MERTK: variants seen among roughly 807,000 people sequenced by gnomAD.
The protein encoded by MERTK is MER proto-oncogene, tyrosine kinase.
Under a neutral mutation model 99.3 loss-of-function variants are expected in MERTK, and 69 were observed. The observed-to-expected ratio is 0.70, with a 90% CI of 0.57 to 0.85. The LOEUF (loss-of-function observed/expected upper bound fraction) is 0.85, where lower values mean the gene tolerates loss of function less well. MERTK is among the 40% of genes least tolerant of loss of function. The pLI is 0.00. For synonymous variants in MERTK, 426 were observed against 467.6 expected (o/e 0.91, Z 1.15); for missense variants, 1,125 against 1,249.4 (o/e 0.90, Z 1.50).
In MERTK at chr2:112,029,201, TTTC is replaced by T. The variant is rs1338779469; in HGVS notation, c.*340_*342del. On this transcript the variant is annotated 3_prime_UTR_variant, in exon 19 of 19. Transcript: ENST00000295408. ...AGTTGAAGTTGTTTTTTCAAGTTCT[TTTC>T]TTTTTCATGACTATTAAATGTAAAA... 5 of 1,009,874 alleles carry T rather than the reference TTTC, an allele frequency of 5.0e-6. No individual in the cohort carries two copies. The highest frequency in any genetic ancestry group is 5.9e-6 in the Non-Finnish European group (5 of 841,916). The allele number at this position is 1,009,874 out of a possible 1,614,324, so 62.6% of individuals were successfully genotyped here.
At chr2:112,009,626 T>G (rs977355977) in intron 14 of MERTK, among the ~76,000 whole-genome samples, 1 of 152,184 alleles carries the variant, frequency 6.6e-6, no homozygotes, top group Non-Finnish European at 1.5e-5. Flanking sequence ...TAGGCCTCCT[T>G]ATCTGAAACA....
At chr2:111,916,742 A>T (rs1349179623) in intron 1 of MERTK, among the ~76,000 whole-genome samples, 2 of 151,886 alleles carry the variant, frequency 1.3e-5, no homozygotes, top group Non-Finnish European at 2.9e-5. Context: ...GATCAGTTTT[A>T]TTTATTTATT....
At chr2:111,941,447 G>A (rs968252208) in intron 2 of MERTK, among the ~76,000 whole-genome samples, 1 of 152,266 alleles carries the variant, frequency 6.6e-6, no homozygotes, top group Non-Finnish European at 1.5e-5. Context: ...CAGTGCTGGG[G>A]CACTTTCTTG....
chr2:111,960,468 G>A lies in MERTK; in HGVS notation c.758-4723G>A, dbSNP rs374974698. On this transcript the variant is annotated intron_variant, in intron 4 of 18. Coordinates refer to ENST00000295408, the MANE Select transcript of MERTK (RefSeq NM_006343.3). ...TGCCCTCCAGCCTGAGTGACAGAGC[G>A]AGTCTCAGTCTCAAAAAAAAAAAAA... Among the ~76,000 whole-genome samples the A allele has an allele frequency of 4.5e-5, 6 of 134,246 alleles. No homozygotes were observed. The East Asian group carries it at 6.3e-4, about 14-fold the overall frequency. 88.1% of individuals were successfully genotyped at this position (134,246 alleles called of 152,430 possible).
chr2:111,940,232 C>T, intron 2 of MERTK: 1 of 253,828 alleles, frequency 3.9e-6, no homozygotes, highest in Non-Finnish European at 8.2e-6. Context: ...TCCAAACATG[C>T]CGGAAGTATA....
chr2:112,009,581 T>A (rs554513469), intron 14 of MERTK, among the ~76,000 whole-genome samples: 2 of 152,330 alleles, frequency 1.3e-5, no homozygotes, highest in African/African-American at 4.8e-5. Flanking sequence ...CGTTAAGGAA[T>A]CATAGCCACT....
At chr2:111,958,424 A>G (rs2104715147) in intron 4 of MERTK, among the ~76,000 whole-genome samples, 1 of 152,314 alleles carries the variant, frequency 6.6e-6, no homozygotes, top group South Asian at 2.1e-4. Flanking sequence ...TAAGCCATTA[A>G]AGTTTAGCTG....
In MERTK at chr2:111,947,908, A is replaced by G. The variant is rs886473323; in HGVS notation, c.757+341A>G. On this transcript the variant is annotated intron_variant, in intron 4 of 18. Coordinates refer to ENST00000295408, the MANE Select transcript of MERTK (RefSeq NM_006343.3). Reference sequence around the variant, plus strand: ...TGTCAGGTCTTGCGTTTATGGAACCACTGACGTGAAGACCTCAGTGGATTT... The same window carrying G: ...TGTCAGGTCTTGCGTTTATGGAACCGCTGACGTGAAGACCTCAGTGGATTT... Among the ~76,000 whole-genome samples, 5 of 152,242 alleles carry G rather than the reference A, an allele frequency of 3.3e-5. No homozygotes were observed. The Middle Eastern group carries it at 0.01, about 313-fold the overall frequency.
At chr2:111,922,655 G>A (rs1021723514) in intron 1 of MERTK, among the ~76,000 whole-genome samples, 1 of 152,188 alleles carries the variant, frequency 6.6e-6, no homozygotes, top group African/African-American at 2.4e-5. Flanking sequence ...TGGTGGACTC[G>A]ATGCCTATCA....
intron 1 of MERTK, among the ~76,000 whole-genome samples, chr2:111,919,355 A>AT (rs5833424): frequency 0.24 from 36,489 of 151,234 alleles, 4,734 homozygotes; most frequent in South Asian, 0.33. Flanking sequence ...ATAAGAGGAG[A>AT]TTTTTTTTTA....
At chr2:111,997,069 T>C (rs1676760809) in intron 9 of MERTK, 2 of 559,050 alleles carry the variant, frequency 3.6e-6, no homozygotes, top group Non-Finnish European at 6.5e-6. Flanking sequence ...AAAAATTGTA[T>C]ATACCTGTGG....
chr2:111,994,555 G>A (rs1676695695), intron 9 of MERTK, 151 bp downstream of exon 9: 1 of 1,084,456 alleles, frequency 9.2e-7, no homozygotes, highest in East Asian at 2.4e-5. Context: ...AAAGCAGGAG[G>A]AGTTTGAGAA....
At chr2:111,973,991 C>CA (rs34537631) in intron 6 of MERTK, among the ~76,000 whole-genome samples, 23,982 of 84,568 alleles carry the variant, frequency 0.28, 3,417 homozygotes, top group Middle Eastern at 0.4. Flanking sequence ...ATCTCCTCAT[C>CA]AAAAAAAAAA....
intron 8 of MERTK, among the ~76,000 whole-genome samples, chr2:111,989,671 T>A (rs531714536): frequency 2.0e-5 from 3 of 152,208 alleles, no homozygotes; most frequent in Non-Finnish European, 4.4e-5. Context: ...TGAATTCTTA[T>A]AAAGTAGTTG....
chr2:111,907,503 C>G (rs79559916), intron 1 of MERTK, among the ~76,000 whole-genome samples: 36,370 of 152,152 alleles, frequency 0.24, 4,718 homozygotes, highest in South Asian at 0.32. Flanking sequence ...GTAAGTACCC[C>G]CTCCAACTCT....
chr2:111,987,152 A>G (rs1231959094), intron 8 of MERTK, among the ~76,000 whole-genome samples: 4 of 152,182 alleles, frequency 2.6e-5, no homozygotes, highest in African/African-American at 9.7e-5. Context: ...TTTGAAAGAT[A>G]TTTCTCATTA....
rs552509122 is a variant in MERTK at position 111,898,794 on chromosome 2, G to C, written c.59G>C (p.Arg20Thr). The C allele has an allele frequency of 1.3e-5, 20 of 1,593,272 alleles. No homozygotes were observed. The South Asian group carries it at 2.3e-4, about 18-fold the overall frequency. ...LGLFLPALWR[R>T]AITEAREEAK... ...CTCTTCCTCCCCGCGCTCTGGCGTA[G>C]AGGTGAGTGCGCCCGGCTGGGGGCC... is the stretch of plus-strand genomic sequence containing the variant. The change falls in exon 1 of 19, where the codon AGA becomes ACA. Residue 20 changes from arginine (R) to threonine (T), a missense_variant and splice_region_variant. Transcript: ENST00000295408.
intron 18 of MERTK, among the ~76,000 whole-genome samples, chr2:112,026,014 C>A (rs1441576014): frequency 6.6e-6 from 1 of 152,160 alleles, no homozygotes; most frequent in African/African-American, 2.4e-5. Context: ...AAAATCTCAG[C>A]AGAAAAATAA....
At chr2:111,963,792 C>G (rs998277920) in intron 4 of MERTK, among the ~76,000 whole-genome samples, 1 of 151,908 alleles carries the variant, frequency 6.6e-6, no homozygotes, top group Non-Finnish European at 1.5e-5. Context: ...AATCTGATCT[C>G]TCTTTCTTTT....
Sources: gnomAD v4.1 joint callset for allele counts (sites outside exome capture counted in the v4.1 genomes callset) on GRCh38, gnomAD v4.1.1 for gene constraint, MANE v1.5 for transcripts, NCBI Gene and HGNC (gene_info 2026-07-23, HGNC 2026-07-21) for gene names.